The following FNIP2 variants were observed in gnomAD, a reference collection of about 807,000 sequenced individuals.
FNIP2 encodes the protein folliculin interacting protein 2.
A neutral mutation model predicts 108.7 loss-of-function variants in FNIP2; 32 were observed. The observed-to-expected ratio is 0.29, with a 90% CI of 0.22 to 0.40. The LOEUF is 0.40. Among genes scored for constraint, FNIP2 ranks in the 10% least tolerant of loss-of-function variants. FNIP2 has a pLI of 1.00. For synonymous variants in FNIP2, 480 were observed against 496.7 expected (o/e 0.97, Z 0.45); for missense variants, 1,202 against 1,381.6 (o/e 0.87, Z 2.06).
chr4:158,884,951 GC>G (rs1490421792), intron 14 of FNIP2, among the ~76,000 whole-genome samples: 1 of 150,082 alleles, frequency 6.7e-6, no homozygotes, highest in Non-Finnish European at 1.5e-5. Flanking sequence ...GACCAGCCTG[GC>G]CAACATGGCA....
At chr4:158,855,972 C>T (rs1274634115) in intron 8 of FNIP2, among the ~76,000 whole-genome samples, 1 of 152,112 alleles carries the variant, frequency 6.6e-6, no homozygotes, top group Non-Finnish European at 1.5e-5. Flanking sequence ...TAGAATCGGG[C>T]AACACTTTAT....
In FNIP2 at chr4:158,861,806, T is replaced by C. The variant is rs750288288; in HGVS notation, c.1465+30T>C. ...GTACCTAATTTGACTATTCAGAGAA[T>C]ATATGGGATGGAATAGGAAAAAAAT... On this transcript the variant is annotated intron_variant, in intron 12 of 16. Coordinates refer to ENST00000264433, the MANE Select transcript of FNIP2 (RefSeq NM_020840.3). The C allele has an allele frequency of 2.5e-6, 4 of 1,611,012 alleles. No individual in the cohort carries two copies. The Admixed American group carries it at 5.0e-5, about 20-fold the overall frequency.
At chr4:158,893,502 CAATATT>C (rs747806117) in intron 15 of FNIP2, 2 of 528,250 alleles carry the variant, frequency 3.8e-6, no homozygotes, top group Non-Finnish European at 6.9e-6. Context: ...TTTCATGAAA[CAATATT>C]AATGGTTGCA....
At chr4:158,812,706 A>G (rs1777345768) in intron 1 of FNIP2, among the ~76,000 whole-genome samples, 1 of 152,050 alleles carries the variant, frequency 6.6e-6, no homozygotes, top group Non-Finnish European at 1.5e-5. Context: ...CCACAGTGAT[A>G]TATTTGTTAC....
chr4:158,813,542 C>T (rs1009140740), intron 1 of FNIP2, among the ~76,000 whole-genome samples: 4 of 152,190 alleles, frequency 2.6e-5, no homozygotes, highest in Admixed American at 2.6e-4. Flanking sequence ...TGATTTCTTA[C>T]TGAGTTTTAA....
chr4:158,888,944 C>A (rs1782153870), intron 14 of FNIP2, among the ~76,000 whole-genome samples: 1 of 151,500 alleles, frequency 6.6e-6, no homozygotes, highest in Admixed American at 6.6e-5. Context: ...AATCCCAGTT[C>A]TTTGGGAGGC....
chr4:158,786,979 C>CTT (rs539962659), intron 1 of FNIP2, among the ~76,000 whole-genome samples: 2 of 145,176 alleles, frequency 1.4e-5, no homozygotes, highest in East Asian at 2.0e-4. Flanking sequence ...GGGGTCTCAG[C>CTT]TTTTTTTTTT....
intron 14 of FNIP2, among the ~76,000 whole-genome samples, chr4:158,881,830 G>A (rs1400384672): frequency 6.6e-6 from 1 of 152,226 alleles, no homozygotes; most frequent in Non-Finnish European, 1.5e-5. Context: ...GCCTGCCTTG[G>A]CCTCCCAAAG....
chr4:158,799,260 A>G (rs1285323216), intron 1 of FNIP2, among the ~76,000 whole-genome samples: 1 of 152,256 alleles, frequency 6.6e-6, no homozygotes, highest in African/African-American at 2.4e-5. Context: ...CAAAGCATTA[A>G]CAGAAGATTT....
At chr4:158,773,004 G>C (rs547728355) in intron 1 of FNIP2, among the ~76,000 whole-genome samples, 1 of 152,198 alleles carries the variant, frequency 6.6e-6, no homozygotes, top group South Asian at 2.1e-4. Context: ...TCACATGGAG[G>C]GAAATTACAC....
At chr4:158,897,088 C>T (rs950691438) in intron 16 of FNIP2, among the ~76,000 whole-genome samples, 10 of 151,844 alleles carry the variant, frequency 6.6e-5, no homozygotes, top group South Asian at 2.1e-4. Flanking sequence ...GGAGCACATG[C>T]GGTGTTTGGT....
At chr4:158,772,328 A>G (rs1266461030) in intron 1 of FNIP2, among the ~76,000 whole-genome samples, 1 of 152,240 alleles carries the variant, frequency 6.6e-6, no homozygotes, top group Non-Finnish European at 1.5e-5. Flanking sequence ...TTTTCAAGCC[A>G]CGCTATGTCC....
At chr4:158,792,749 C>T (rs775839839) in intron 1 of FNIP2, among the ~76,000 whole-genome samples, 1 of 152,136 alleles carries the variant, frequency 6.6e-6, no homozygotes, top group Non-Finnish European at 1.5e-5. Context: ...TAGAACATAA[C>T]TGCTTCACAG....
intron 15 of FNIP2, among the ~76,000 whole-genome samples, chr4:158,895,287 G>A (rs1197170796): frequency 6.6e-6 from 1 of 152,108 alleles, no homozygotes; most frequent in African/African-American, 2.4e-5. Context: ...AATAATCTGA[G>A]CTATTGGGGG....
chr4:158,825,395 A>G (rs1210506971), intron 1 of FNIP2, among the ~76,000 whole-genome samples: 1 of 152,226 alleles, frequency 6.6e-6, no homozygotes, highest in African/African-American at 2.4e-5. Flanking sequence ...GATTAGAGCT[A>G]GCCATAATCG....
intron 12 of FNIP2, among the ~76,000 whole-genome samples, chr4:158,866,178 A>C (rs1187524967): frequency 8.0e-6 from 1 of 125,598 alleles, no homozygotes; most frequent in African/African-American, 3.0e-5. Context: ...TCCTTTATTT[A>C]GTATCTTTTC....
chr4:158,902,995 G>A lies in FNIP2; in HGVS notation c.3267-1471G>A, dbSNP rs185390475. On this transcript the variant is annotated intron_variant, in intron 16 of 16. Coordinates refer to ENST00000264433, the MANE Select transcript of FNIP2 (RefSeq NM_020840.3). ...AGCCCCCTTTCCAGGGGAGTGAACC[G>A]TTCTGTCTCGCTAGCATTCCGGGTG... Among the ~76,000 whole-genome samples the A allele has an allele frequency of 8.5e-4, 130 of 152,248 alleles. 1 individual carries two copies. Among genetic ancestry groups the A allele is most frequent in the African/African-American group, 2.8e-3 (116 of 41,558 alleles).
intron 1 of FNIP2, among the ~76,000 whole-genome samples, chr4:158,793,206 A>G (rs1049722928): frequency 1.3e-5 from 2 of 152,244 alleles, no homozygotes; most frequent in Non-Finnish European, 2.9e-5. Context: ...GATAAAGACA[A>G]TTGGAATGTG....
rs1381874676 is a variant in FNIP2 at position 158,905,834 on chromosome 4, G to C, written c.*1290G>C. ...TTGGTCATTAAAGGACAGGAGCTAAGCTAGCAAAGCAAAACATCTTTAGCA... is the reference window on the plus strand; with the variant it reads ...TTGGTCATTAAAGGACAGGAGCTAACCTAGCAAAGCAAAACATCTTTAGCA... On this transcript the variant is annotated 3_prime_UTR_variant, in exon 17 of 17. Coordinates refer to ENST00000264433, the MANE Select transcript of FNIP2 (RefSeq NM_020840.3). 6.6e-6 allele frequency: 1 copy of C among 152,182 alleles called. No individual in the cohort carries two copies. Among genetic ancestry groups the C allele is most frequent in the African/African-American group, 2.4e-5 (1 of 41,442 alleles). 9.4% of individuals were successfully genotyped at this position (152,182 alleles called of 1,614,324 possible).
Sources: gnomAD v4.1 joint callset for allele counts (sites outside exome capture counted in the v4.1 genomes callset) on GRCh38, gnomAD v4.1.1 for gene constraint, MANE v1.5 for transcripts, NCBI Gene and HGNC (gene_info 2026-07-23, HGNC 2026-07-21) for gene names.